HAUS6: variants seen among roughly 807,000 people sequenced by gnomAD.
The protein encoded by HAUS6 is HAUS augmin like complex subunit 6.
A neutral mutation model predicts 106.8 loss-of-function variants in HAUS6; 80 were observed. That is an observed-to-expected ratio of 0.75 (90% CI 0.63 to 0.90). The LOEUF is 0.90. Ranked by LOEUF, HAUS6 falls within the 40% of genes least tolerant of loss-of-function variation. HAUS6 has a pLI of 0.00. For synonymous variants in HAUS6, 356 were observed against 379.1 expected (o/e 0.94, Z 0.71); for missense variants, 1,155 against 1,118.1 (o/e 1.03, Z -0.47).
At chr9:19,081,788 A>G (rs1346318495) in intron 8 of HAUS6, among the ~76,000 whole-genome samples, 3 of 151,980 alleles carry the variant, frequency 2.0e-5, no homozygotes, top group Non-Finnish European at 2.9e-5. Context: ...ATTATGGGCC[A>G]GGCACACTGG....
chr9:19,090,005 T>G (rs1300833063), intron 4 of HAUS6, among the ~76,000 whole-genome samples: 1 of 151,918 alleles, frequency 6.6e-6, no homozygotes, highest in Non-Finnish European at 1.5e-5. Context: ...GCTAGTTTTT[T>G]TTTTATTATT....
intron 11 of HAUS6, among the ~76,000 whole-genome samples, chr9:19,070,795 T>C (rs574402614): frequency 1.2e-4 from 19 of 152,230 alleles, no homozygotes; most frequent in Non-Finnish European, 2.4e-4. Flanking sequence ...TAGGAAAGGA[T>C]AGTGATGAGT....
In HAUS6 at chr9:19,058,112, A is replaced by G. The variant is rs768136354; in HGVS notation, c.2655T>C (p.Cys885=). ...TDDTLNFLDT[C]DLHTEHIKPS... The stretch of plus-strand genomic sequence containing the variant: ...GCTTTATATGCTCAGTATGCAAATC[A>G]CAGGTGTCCAAAAAGTTAAGCGTAT... Residue 885 remains cysteine (C), a synonymous_variant, in exon 16 of 17, where the codon TGT becomes TGC. Transcript: ENST00000380502. The G allele has an allele frequency of 4.0e-5, 64 of 1,614,126 alleles. No homozygotes were observed. Among genetic ancestry groups the G allele is most frequent in the Non-Finnish European group, 5.3e-5 (63 of 1,179,996 alleles).
At position 19,058,510 on chromosome 9, in the gene HAUS6, A is replaced by T. The variant is rs1836532350; in HGVS notation, c.2257T>A (p.Leu753Met). The T allele has an allele frequency of 6.3e-7, 1 of 1,577,620 alleles. No individual in the cohort carries two copies. The highest frequency in any genetic ancestry group is 1.1e-5 in the South Asian group (1 of 87,234). The change falls in exon 16 of 17, where the codon TTG (leucine) becomes ATG (methionine). Residue 753 changes from leucine to methionine, a missense_variant. By Grantham distance (15) the Leu-to-Met change is conservative. Around this residue, in one of 3 missense-constraint regions of HAUS6, gnomAD observed 380 missense variants for 394.8 expected, o/e 0.96. Transcript: ENST00000380502. ...CTTGATATCTGAAAAGAATTCCACA[A>T]CATAGTTTTATTTGTGGAAGGTTTG... is the stretch of plus-strand genomic sequence containing the variant. ...CNKPSTNKTM[L>M]WNSFQISSGI... is the part of the protein sequence containing the mutation.
In HAUS6 at chr9:19,077,398, G is replaced by A. The variant is rs971044760; in HGVS notation, c.1192-694C>T. 2.6e-5 allele frequency among the ~76,000 whole-genome samples: 4 copies of A among 152,110 alleles called. No homozygotes were observed. In the South Asian group the frequency reaches 8.3e-4, roughly 32 times the overall value. On this transcript the variant is annotated intron_variant, in intron 10 of 16. Transcript: ENST00000380502. ...GAAAATAGAAAAATTAGCCGAGCGT[G>A]GTGGCGGGCACCTTTAGTCCCGGCT...
chr9:19,094,451 A>AT, intron 2 of HAUS6, 56 bp from the exon 3 acceptor site: 1 of 993,266 alleles, frequency 1.0e-6, no homozygotes, highest in South Asian at 1.4e-5. Context: ...CAAAAAAAAA[A>AT]GCCTCAGCAA....
At position 19,089,403 on chromosome 9, in the gene HAUS6, A is replaced by G; in HGVS notation, c.584+9T>C. On this transcript the variant is annotated intron_variant, in intron 5 of 16. Coordinates refer to ENST00000380502, the MANE Select transcript of HAUS6 (RefSeq NM_017645.5). ...GAAATTATTTTCTAACTATCAAGGTACTACTTACTGTGCATTTTCCTGATA... is the reference window on the plus strand; with the variant it reads ...GAAATTATTTTCTAACTATCAAGGTGCTACTTACTGTGCATTTTCCTGATA... 6.4e-7 allele frequency: 1 copy of G among 1,563,838 alleles called. No individual in the cohort carries two copies. Among genetic ancestry groups the G allele is most frequent in the Non-Finnish European group, 8.8e-7 (1 of 1,134,424 alleles).
intron 1 of HAUS6, among the ~76,000 whole-genome samples, chr9:19,098,263 C>T (rs1265568954): frequency 2.0e-5 from 3 of 152,008 alleles, no homozygotes; most frequent in Admixed American, 2.0e-4. Context: ...CATGGCGAAT[C>T]GCCATCTCCA....
chr9:19,078,556 G>C (rs1272080231), intron 9 of HAUS6, among the ~76,000 whole-genome samples: 2 of 152,136 alleles, frequency 1.3e-5, no homozygotes, highest in Admixed American at 6.5e-5. Flanking sequence ...GGGAGGCCAA[G>C]GCAGGTGGAT....
chr9:19,080,740 T>G, intron 8 of HAUS6, 68 bp from the exon 9 acceptor site: 1 of 869,570 alleles, frequency 1.1e-6, no homozygotes, highest in Non-Finnish European at 1.8e-6. Context: ...TACATAAAAA[T>G]ATTTATGTTT....
At chr9:19,079,627 T>C (rs889972746) in intron 9 of HAUS6, among the ~76,000 whole-genome samples, 7 of 152,118 alleles carry the variant, frequency 4.6e-5, no homozygotes, top group Non-Finnish European at 1.0e-4. Context: ...CAGCCCATAC[T>C]TTCTATTCTT....
At chr9:19,084,511 T>C (rs565331666) in intron 7 of HAUS6, among the ~76,000 whole-genome samples, 1 of 152,320 alleles carries the variant, frequency 6.6e-6, no homozygotes, top group South Asian at 2.1e-4. Flanking sequence ...GTATATATGT[T>C]ATGCATTAAC....
Position 19,055,913 on chromosome 9 carries a change from G to T in HAUS6, c.*430C>A, listed in dbSNP as rs1836457873. ...GTTCCATTAAGAAACAATAAAAGTT[G>T]TATAGTTCTCTAAGATGAAAGATTA... is the stretch of plus-strand genomic sequence containing the variant. On this transcript the variant is annotated 3_prime_UTR_variant, in exon 17 of 17. Coordinates refer to ENST00000380502, the MANE Select transcript of HAUS6 (RefSeq NM_017645.5). 1 of 154,462 alleles carries T rather than the reference G, an allele frequency of 6.5e-6. No individual in the cohort carries two copies. Among genetic ancestry groups the T allele is most frequent in the East Asian group, 1.9e-4 (1 of 5,282 alleles). The allele number at this position is 154,462 out of a possible 1,614,324, so 9.6% of individuals were successfully genotyped here.
At chr9:19,089,812 C>G in intron 4 of HAUS6, 1 of 455,922 alleles carries the variant, frequency 2.2e-6, no homozygotes, top group Non-Finnish European at 3.9e-6. Flanking sequence ...AAACATATAA[C>G]AACTAATGTT....
chr9:19,090,980 T>A (rs987090216), intron 4 of HAUS6, among the ~76,000 whole-genome samples: 2 of 152,256 alleles, frequency 1.3e-5, no homozygotes, highest in African/African-American at 4.8e-5. Flanking sequence ...ACATTGCTTA[T>A]CCAGGTTCTA....
chr9:19,071,456 G>A (rs1041888586), intron 11 of HAUS6, among the ~76,000 whole-genome samples: 2 of 151,950 alleles, frequency 1.3e-5, no homozygotes, highest in African/African-American at 4.8e-5. Flanking sequence ...TTTCTAAACT[G>A]AAGATATGAG....
At chr9:19,091,217 T>C (rs1053600565) in intron 4 of HAUS6, among the ~76,000 whole-genome samples, 6 of 152,108 alleles carry the variant, frequency 3.9e-5, no homozygotes, top group Admixed American at 1.3e-4. Context: ...GTAGAATCGC[T>C]TGAACCCGGG....
At chr9:19,068,974 C>T (rs995702829) in intron 12 of HAUS6, among the ~76,000 whole-genome samples, 1 of 152,106 alleles carries the variant, frequency 6.6e-6, no homozygotes, top group Admixed American at 6.5e-5. Context: ...TATAGTAAAT[C>T]AGAAGTTGTC....
At chr9:19,085,437 G>A (rs1837266307) in intron 7 of HAUS6, among the ~76,000 whole-genome samples, 1 of 152,008 alleles carries the variant, frequency 6.6e-6, no homozygotes, top group South Asian at 2.1e-4. Flanking sequence ...TAGCCCTAAT[G>A]TCTACGAGAT....
Sources: allele counts gnomAD v4.1 joint callset (sites outside exome capture counted in the v4.1 genomes callset), GRCh38; gene constraint gnomAD v4.1.1; regional missense constraint gnomAD v4.1.1; transcripts MANE v1.5; gene names NCBI Gene and HGNC (gene_info 2026-07-23, HGNC 2026-07-21).